EMB: variants seen among roughly 807,000 people sequenced by gnomAD.
EMB encodes the protein embigin homolog.
EMB carries 31 observed loss-of-function variants against 41.4 expected under a neutral mutation model. The ratio of observed to expected loss-of-function variants is 0.75; its 90% CI spans 0.56 to 1.01. EMB has a LOEUF of 1.01. EMB is among the 50% of genes least tolerant of loss of function. The pLI, the probability that EMB is intolerant of heterozygous loss-of-function variation, is 0.00. For missense variants in EMB, 379 were observed against 388.3 expected (o/e 0.98, Z 0.20); for synonymous variants, 137 against 140.4 (o/e 0.98, Z 0.17).
chr5:50,413,146 T>C (rs1224517965), intron 2 of EMB, among the ~76,000 whole-genome samples: 1 of 152,136 alleles, frequency 6.6e-6, no homozygotes, highest in African/African-American at 2.4e-5. Flanking sequence ...AGAAAAAATA[T>C]TAAGCATGTA....
At chr5:50,419,548 T>TACACACACAC (rs58712109) in intron 2 of EMB, among the ~76,000 whole-genome samples, 17,742 of 147,152 alleles carry the variant, frequency 0.12, 1,304 homozygotes, top group African/African-American at 0.19. Context: ...CACACACACA[T>TACACACACAC]ACACACACAC....
intron 2 of EMB, among the ~76,000 whole-genome samples, chr5:50,412,807 C>CT (rs1454750496): frequency 6.6e-6 from 1 of 151,748 alleles, no homozygotes; most frequent in Admixed American, 6.6e-5. Context: ...ATGGTTAGGA[C>CT]TCCCCACCCT....
chr5:50,441,156 C>A lies in EMB; in HGVS notation c.-5G>T. 6.7e-7 allele frequency: 1 copy of A among 1,485,656 alleles called. No individual in the cohort carries two copies. The highest frequency in any genetic ancestry group is 2.7e-5 in the East Asian group (1 of 37,534). The allele number at this position is 1,485,656 out of a possible 1,614,324, so 92.0% of individuals were successfully genotyped here. The stretch of plus-strand genomic sequence containing the variant: ...CAGGCCGGGGAGGGCGCGCATGGCG[C>A]CAGAGGGTCCGCCTGGGTCCTCGTG... On this transcript the variant is annotated 5_prime_UTR_variant, in exon 1 of 9. Coordinates refer to ENST00000303221, the MANE Select transcript of EMB (RefSeq NM_198449.3).
intron 2 of EMB, among the ~76,000 whole-genome samples, chr5:50,412,248 A>AC (rs1745351629): frequency 8.7e-6 from 1 of 114,902 alleles, no homozygotes; most frequent in Admixed American, 8.6e-5. Context: ...CACCACACAC[A>AC]CACACACAGA....
chr5:50,428,355 A>T, intron 1 of EMB, 128 bp from the exon 2 acceptor site: 3 of 1,255,368 alleles, frequency 2.4e-6, no homozygotes, highest in Non-Finnish European at 3.1e-6. Flanking sequence ...GGAAGCTCAA[A>T]GTCTTATATA....
At position 50,441,071 on chromosome 5, in the gene EMB, C is replaced by A. The variant is rs1260074902; in HGVS notation, c.81G>T (p.Ala27=). The A allele has an allele frequency of 1.3e-6, 2 of 1,511,618 alleles. No individual in the cohort carries two copies. The highest frequency in any genetic ancestry group is 2.9e-5 in the African/African-American group (2 of 70,036). 93.6% of individuals were successfully genotyped at this position (1,511,618 alleles called of 1,614,324 possible). A position where few individuals can be genotyped will look rare whatever the true frequency, so the allele number is the denominator to read the frequency against. Residue 27 remains alanine (A), a synonymous_variant, in exon 1 of 9, where the codon GCG becomes GCT. Transcript: ENST00000303221. ...LLLLQCLLAA[A]RPSSADGSAP... ...CACTGCCGTCCGCCGAGCTTGGGCG[C>A]GCGGCAGCGAGAAGGCACTGGAGGA...
chr5:50,429,989 T>C lies in EMB; in HGVS notation c.113-1762A>G, dbSNP rs546061274. Among the ~76,000 whole-genome samples the C allele has an allele frequency of 1.8e-3, 214 of 121,912 alleles. 1 individual carries two copies. Among genetic ancestry groups the C allele is most frequent in the Middle Eastern group, 7.8e-3 (2 of 258 alleles). 80.0% of individuals were successfully genotyped at this position (121,912 alleles called of 152,430 possible). A position where few individuals can be genotyped will look rare whatever the true frequency, so the allele number is the denominator to read the frequency against. ...CTCTTTCTCTCTCTCTCTCTCTCTCTCTCTCTCTCTCTCTCTCACACACAC... is the reference window on the plus strand; with the variant it reads ...CTCTTTCTCTCTCTCTCTCTCTCTCCCTCTCTCTCTCTCTCTCACACACAC... On this transcript the variant is annotated intron_variant, in intron 1 of 8. Transcript: ENST00000303221.
At chr5:50,435,891 G>C (rs1229927912) in intron 1 of EMB, among the ~76,000 whole-genome samples, 2 of 151,824 alleles carry the variant, frequency 1.3e-5, no homozygotes, top group African/African-American at 4.8e-5. Context: ...TTGTCCAGTG[G>C]GAACCCCTTC....
At chr5:50,426,001 A>T (rs1362949184) in intron 2 of EMB, among the ~76,000 whole-genome samples, 2 of 152,146 alleles carry the variant, frequency 1.3e-5, no homozygotes, top group Non-Finnish European at 2.9e-5. Flanking sequence ...TTTATTACTA[A>T]ATAAGCCTAG....
intron 7 of EMB, among the ~76,000 whole-genome samples, chr5:50,401,049 A>G (rs1745153719): frequency 6.6e-6 from 1 of 152,042 alleles, no homozygotes; most frequent in African/African-American, 2.4e-5. Context: ...AAAAACGCCA[A>G]TACGTGGAAA....
intron 4 of EMB, among the ~76,000 whole-genome samples, chr5:50,408,204 G>C (rs1745278791): frequency 6.6e-6 from 1 of 151,750 alleles, no homozygotes; most frequent in South Asian, 2.1e-4. Flanking sequence ...AAAAGTTCTT[G>C]TTCTTTACCA....
At chr5:50,408,530 A>G (rs1745283497) in intron 4 of EMB, among the ~76,000 whole-genome samples, 2 of 151,992 alleles carry the variant, frequency 1.3e-5, no homozygotes, top group African/African-American at 4.8e-5. Context: ...AGCACCCATA[A>G]AGACAGCAGC....
intron 1 of EMB, among the ~76,000 whole-genome samples, chr5:50,432,994 C>T (rs1745746159): frequency 1.3e-5 from 2 of 151,980 alleles, no homozygotes; most frequent in Non-Finnish European, 2.9e-5. Context: ...AGGAGAATTG[C>T]TTGAACCCGG....
intron 2 of EMB, among the ~76,000 whole-genome samples, chr5:50,419,081 A>G (rs1378138716): frequency 6.6e-6 from 1 of 152,194 alleles, no homozygotes; most frequent in Non-Finnish European, 1.5e-5. Flanking sequence ...GAAAGACAAT[A>G]CCTGAGGTTA....
At chr5:50,426,149 C>T (rs1296364802) in intron 2 of EMB, among the ~76,000 whole-genome samples, 1 of 152,128 alleles carries the variant, frequency 6.6e-6, no homozygotes, top group Non-Finnish European at 1.5e-5. Context: ...GCATTATGCC[C>T]AGAAAGAAAG....
At chr5:50,439,333 A>G (rs963085678) in intron 1 of EMB, among the ~76,000 whole-genome samples, 11 of 151,686 alleles carry the variant, frequency 7.3e-5, no homozygotes, top group African/African-American at 2.4e-4. Context: ...TTTTTTTTTG[A>G]GACAGTTTTG....
chr5:50,428,712 T>C (rs1439607646), intron 1 of EMB: 2 of 984,744 alleles, frequency 2.0e-6, no homozygotes, highest in African/African-American at 3.5e-5. Flanking sequence ...CCAGTTTGGG[T>C]TGCTATTTGT....
intron 1 of EMB, among the ~76,000 whole-genome samples, chr5:50,430,703 T>C (rs1021862701): frequency 6.6e-6 from 1 of 152,174 alleles, no homozygotes; most frequent in Non-Finnish European, 1.5e-5. Context: ...TTATAGTCAG[T>C]ATATAACTGA....
At chr5:50,419,570 C>CACACACACACAG (rs70972905) in intron 2 of EMB, among the ~76,000 whole-genome samples, 125 of 151,828 alleles carry the variant, frequency 8.2e-4, no homozygotes, top group Middle Eastern at 3.4e-3. Context: ...CACACACACA[C>CACACACACACAG]AGATAACTGT....
Sources: allele counts gnomAD v4.1 joint callset (sites outside exome capture counted in the v4.1 genomes callset), GRCh38; gene constraint gnomAD v4.1.1; transcripts MANE v1.5; gene names NCBI Gene and HGNC (gene_info 2026-07-23, HGNC 2026-07-21).